KATNAL2: variants seen among roughly 807,000 people sequenced by gnomAD.
KATNAL2 encodes katanin catalytic subunit A1 like 2.
Under a neutral mutation model 76.3 loss-of-function variants are expected in KATNAL2, and 52 were observed. That is an observed-to-expected ratio of 0.68 (90% CI 0.55 to 0.86). The LOEUF is 0.86. Ranked by LOEUF, KATNAL2 falls within the 40% of genes least tolerant of loss-of-function variation. The probability of loss-of-function intolerance (pLI) is 0.00; values close to 1 mark genes in which losing one functional copy is unlikely to be tolerated. For missense variants in KATNAL2, 660 were observed against 668.9 expected (o/e 0.99, Z 0.15); for synonymous variants, 243 against 244.2 (o/e 1.00, Z 0.05).
At chr18:47,052,025 G>A (rs1010198626) in intron 4 of KATNAL2, among the ~76,000 whole-genome samples, 21 of 152,158 alleles carry the variant, frequency 1.4e-4, no homozygotes, top group Admixed American at 3.3e-4. Context: ...TCTGAATCTG[G>A]GGTCCTTGGA....
intron 6 of KATNAL2, among the ~76,000 whole-genome samples, chr18:47,055,987 C>T (rs1398813360): frequency 2.0e-5 from 3 of 152,188 alleles, no homozygotes; most frequent in African/African-American, 7.2e-5. Context: ...ACAATTTATA[C>T]TCAAATATAG....
chr18:47,068,625 C>T (rs930345929), intron 11 of KATNAL2, among the ~76,000 whole-genome samples: 2 of 152,174 alleles, frequency 1.3e-5, no homozygotes, highest in African/African-American at 4.8e-5. Context: ...CACCCTCTCC[C>T]CCATTCTCTA....
intron 3 of KATNAL2, among the ~76,000 whole-genome samples, chr18:47,038,641 T>C (rs2060859935): frequency 6.6e-6 from 1 of 152,192 alleles, no homozygotes; most frequent in South Asian, 2.1e-4. Flanking sequence ...ACCAATTGTA[T>C]CTGAAATACA....
Position 46,946,885 on chromosome 18 carries a change from T to A in KATNAL2, c.13T>A (p.Tyr5Asn), listed in dbSNP as rs1470575294. The part of the protein sequence containing the change: MELS[Y>N]QTLKFTHQAR... ...AGCACAGTGTCTGATGGAGCTTTCC[T>A]ACCAGACCCTGAAATTCACGCATCA... The change falls in exon 3 of 18, where the codon TAC (tyrosine) becomes AAC (asparagine). Residue 5 changes from tyrosine (Y) to asparagine (N), a missense_variant. Coordinates refer to ENST00000683218, the MANE Select transcript of KATNAL2 (RefSeq NM_001387690.1). The A allele has an allele frequency of 6.5e-7, 1 of 1,535,752 alleles. No homozygotes were observed. Among genetic ancestry groups the A allele is most frequent in the Non-Finnish European group, 8.7e-7 (1 of 1,146,662 alleles).
At chr18:46,961,925 T>A (rs187178030) in intron 3 of KATNAL2, among the ~76,000 whole-genome samples, 1 of 152,196 alleles carries the variant, frequency 6.6e-6, no homozygotes, top group African/African-American at 2.4e-5. Context: ...ACTAAGAATA[T>A]AAGTTTTTAA....
In KATNAL2 at chr18:47,100,138, T is replaced by C. The variant is rs556941153; in HGVS notation, c.1375-116T>C. ...TCTGGGAATCTTTTTAGGATGTTCA[T>C]GGGTGACAGATACAGAATCTACACA... On this transcript the variant is annotated intron_variant, in intron 16 of 17. Coordinates refer to ENST00000683218, the MANE Select transcript of KATNAL2 (RefSeq NM_001387690.1). 54 of 684,220 alleles carry C rather than the reference T, an allele frequency of 7.9e-5. No individual in the cohort carries two copies. The Admixed American group carries it at 1.1e-3, about 14-fold the overall frequency. 42.4% of individuals were successfully genotyped at this position (684,220 alleles called of 1,614,324 possible).
chr18:47,033,220 C>T (rs1296656495), intron 3 of KATNAL2: 2 of 1,613,966 alleles, frequency 1.2e-6, no homozygotes, highest in Non-Finnish European at 1.7e-6. Flanking sequence ...GGGAGTGTGG[C>T]TGCTTCCCGC....
intron 3 of KATNAL2, among the ~76,000 whole-genome samples, chr18:46,948,542 A>G (rs1384240985): frequency 6.7e-6 from 1 of 150,112 alleles, no homozygotes; most frequent in African/African-American, 2.5e-5. Context: ...CTCCTGCCTC[A>G]GCCTCCCGAG....
intron 3 of KATNAL2, among the ~76,000 whole-genome samples, chr18:46,948,475 A>T (rs956086393): frequency 2.9e-5 from 4 of 136,218 alleles, no homozygotes; most frequent in Non-Finnish European, 6.1e-5. Flanking sequence ...CCCGGGCTGG[A>T]GTGCAATGGT....
intron 15 of KATNAL2, among the ~76,000 whole-genome samples, chr18:47,082,883 C>T (rs920322738): frequency 1.3e-5 from 2 of 152,148 alleles, no homozygotes; most frequent in African/African-American, 4.8e-5. Flanking sequence ...GAGGTTGTAC[C>T]ACTTTGTATT....
intron 3 of KATNAL2, chr18:47,033,684 C>A: frequency 6.2e-7 from 1 of 1,614,194 alleles, no homozygotes; most frequent in Non-Finnish European, 8.5e-7. Context: ...GGCGCAGCGT[C>A]GGCACCTGGA....
rs554656083 is a variant in KATNAL2, at chr18:46,931,842, G to A, written c.-510+13916G>A. ...AAATAGAGACCAATACAGTTAAAGT[G>A]TTGCTCTTTGAAAGCAATTATAAAT... On this transcript the variant is annotated intron_variant, in intron 1 of 17. Coordinates refer to ENST00000683218, the MANE Select transcript of KATNAL2 (RefSeq NM_001387690.1). 1.6e-3 allele frequency among the ~76,000 whole-genome samples: 246 copies of A among 151,940 alleles called. 1 individual carries two copies. The highest frequency in any genetic ancestry group is 3.0e-3 in the Non-Finnish European group (204 of 67,938).
intron 15 of KATNAL2, among the ~76,000 whole-genome samples, chr18:47,082,649 T>C (rs1167885037): frequency 6.6e-6 from 1 of 152,250 alleles, no homozygotes; most frequent in Non-Finnish European, 1.5e-5. Context: ...GGGCTCCATT[T>C]TGTGTGTATA....
At chr18:47,053,458 C>G (rs2061390945) in intron 5 of KATNAL2, among the ~76,000 whole-genome samples, 2 of 152,126 alleles carry the variant, frequency 1.3e-5, no homozygotes, top group Non-Finnish European at 2.9e-5. Flanking sequence ...AAGCTAATAG[C>G]TCATGTATAG....
In KATNAL2 at chr18:46,923,171, G is replaced by A. The variant is rs567987108; in HGVS notation, c.-510+5245G>A. Among the ~76,000 whole-genome samples the A allele has an allele frequency of 1.1e-4, 17 of 150,296 alleles. No individual in the cohort carries two copies. In the South Asian group the frequency reaches 3.0e-3, roughly 26 times the overall value. On this transcript the variant is annotated intron_variant, in intron 1 of 17. Transcript: ENST00000683218. ...GTTGGTGTGCTGCACCCATTAACTC[G>A]TCATTTAGCATTAGGTATATCTCCT...
chr18:46,948,357 C>G (rs928422567), intron 3 of KATNAL2, among the ~76,000 whole-genome samples: 3 of 151,642 alleles, frequency 2.0e-5, no homozygotes, highest in African/African-American at 7.3e-5. Flanking sequence ...GGCAATCTTC[C>G]CCCCTCAGCC....
intron 1 of KATNAL2, among the ~76,000 whole-genome samples, chr18:46,924,745 T>C (rs1164800478): frequency 6.6e-6 from 1 of 152,208 alleles, no homozygotes; most frequent in Non-Finnish European, 1.5e-5. Flanking sequence ...TATCCTCTTG[T>C]ATTTCGTTGA....
intron 13 of KATNAL2, among the ~76,000 whole-genome samples, chr18:47,070,280 A>G (rs112415769): frequency 0.027 from 4,091 of 151,548 alleles, 182 homozygotes; most frequent in African/African-American, 0.094. Context: ...TTGTATTTTT[A>G]GTAAAAAAAA....
At chr18:46,945,698 T>C (rs1675080506) in intron 1 of KATNAL2, among the ~76,000 whole-genome samples, 1 of 152,256 alleles carries the variant, frequency 6.6e-6, no homozygotes, top group Non-Finnish European at 1.5e-5. Context: ...TAATAACTTC[T>C]CCATGTTGTG....
Sources: gnomAD v4.1 joint callset for allele counts (sites outside exome capture counted in the v4.1 genomes callset) on GRCh38, gnomAD v4.1.1 for gene constraint, MANE v1.5 for transcripts, NCBI Gene and HGNC (gene_info 2026-07-23, HGNC 2026-07-21) for gene names.